ORC4: variants seen among roughly 807,000 people sequenced by gnomAD.
ORC4 encodes origin recognition complex subunit 4.
ORC4 carries 55 observed loss-of-function variants against 63.9 expected under a neutral mutation model. The ratio of observed to expected loss-of-function variants is 0.86; its 90% CI spans 0.69 to 1.08. The LOEUF (loss-of-function observed/expected upper bound fraction) is 1.08. Ranked by LOEUF, ORC4 falls within the 50% of genes least tolerant of loss-of-function variation. The probability of loss-of-function intolerance (pLI) is 0.00; values close to 1 mark genes in which losing one functional copy is unlikely to be tolerated. For synonymous variants in ORC4, 150 were observed against 168.5 expected, an observed-to-expected ratio of 0.89 and a Z score of 0.85; for missense variants, 511 against 504.4, an observed-to-expected ratio of 1.01 and a Z score of -0.13.
intron 4 of ORC4, among the ~76,000 whole-genome samples, chr2:147,970,225 C>A (rs151064412): frequency 6.6e-6 from 1 of 152,026 alleles, no homozygotes; most frequent in African/African-American, 2.4e-5. Context: ...ACTCCAAGAA[C>A]GGGAAGACTA....
At chr2:148,003,020 A>G (rs925156459) in intron 1 of ORC4, among the ~76,000 whole-genome samples, 2 of 152,260 alleles carry the variant, frequency 1.3e-5, no homozygotes, top group African/African-American at 4.8e-5. Flanking sequence ...GAAGAAATGG[A>G]TGAATTCCTG....
chr2:148,008,733 A>G (rs1294400915), intron 1 of ORC4, among the ~76,000 whole-genome samples: 1 of 152,192 alleles, frequency 6.6e-6, no homozygotes, highest in Non-Finnish European at 1.5e-5. Context: ...GTCTAACCCC[A>G]GCCAATAGGG....
intron 7 of ORC4, among the ~76,000 whole-genome samples, chr2:147,953,922 T>C (rs1346133968): frequency 2.0e-5 from 3 of 152,262 alleles, no homozygotes; most frequent in Non-Finnish European, 4.4e-5. Flanking sequence ...AAGAGACTTA[T>C]GTACTAATAT....
rs1437727416 is a variant in ORC4 at position 148,020,662 on chromosome 2, G to A, written c.-47C>T. On this transcript the variant is annotated 5_prime_UTR_variant, in exon 1 of 14. Transcript: ENST00000392857. Reference sequence around the variant, plus strand: ...TCAAAGAGGGGAACCAACGCCTGCAGGAATCGCTTCACCGAATCGCCTGGC... The same window carrying A: ...TCAAAGAGGGGAACCAACGCCTGCAAGAATCGCTTCACCGAATCGCCTGGC... The A allele has an allele frequency of 2.0e-5, 3 of 152,546 alleles. No homozygotes were observed. Among genetic ancestry groups the A allele is most frequent in the African/African-American group, 4.8e-5 (2 of 41,442 alleles). The allele number at this position is 152,546 out of a possible 1,614,324, so 9.4% of individuals were successfully genotyped here.
At chr2:148,006,442 T>G (rs1409882920) in intron 1 of ORC4, among the ~76,000 whole-genome samples, 1 of 152,084 alleles carries the variant, frequency 6.6e-6, no homozygotes, top group Non-Finnish European at 1.5e-5. Flanking sequence ...TTGGAGGTAA[T>G]GGACTTAAGA....
At chr2:147,943,768 C>T (rs958216357) in intron 9 of ORC4, among the ~76,000 whole-genome samples, 3 of 152,074 alleles carry the variant, frequency 2.0e-5, no homozygotes, top group Admixed American at 2.0e-4. Context: ...CCTGGCTAAC[C>T]CCAAATTCGT....
chr2:147,942,891 C>G (rs1302799303), intron 10 of ORC4, among the ~76,000 whole-genome samples: 2 of 151,912 alleles, frequency 1.3e-5, no homozygotes, highest in African/African-American at 4.8e-5. Context: ...TCAGCATAGA[C>G]TATAAGTCAA....
At chr2:148,015,341 GTC>G (rs1159590426) in intron 1 of ORC4, among the ~76,000 whole-genome samples, 3 of 126,848 alleles carry the variant, frequency 2.4e-5, no homozygotes, top group Non-Finnish European at 4.8e-5. Flanking sequence ...TTGAGATGGA[GTC>G]TCTCTCTGTT....
chr2:147,956,970 C>G (rs1473489021), intron 6 of ORC4, among the ~76,000 whole-genome samples: 2 of 151,584 alleles, frequency 1.3e-5, no homozygotes, highest in East Asian at 1.9e-4. Context: ...ACATTCTAAA[C>G]AGGAGGTAGA....
intron 11 of ORC4, 37 bp downstream of exon 11, chr2:147,939,103 A>T (rs1004821369): frequency 7.8e-7 from 1 of 1,283,538 alleles, no homozygotes; most frequent in African/African-American, 1.5e-5. Flanking sequence ...TCAAAGTTTT[A>T]AAAACCACAA....
chr2:147,973,660 A>G (rs1235409373), intron 2 of ORC4, 136 bp from the exon 3 acceptor site: 11 of 589,172 alleles, frequency 1.9e-5, no homozygotes, highest in Non-Finnish European at 3.0e-5. Flanking sequence ...CTTATCCTCT[A>G]GAGTTCTGGC....
intron 1 of ORC4, among the ~76,000 whole-genome samples, chr2:148,009,549 T>A (rs1692826868): frequency 6.6e-6 from 1 of 152,112 alleles, no homozygotes; most frequent in South Asian, 2.1e-4. Context: ...AATACATATC[T>A]ATCCAACACA....
At chr2:147,979,306 A>G (rs2105365212) in intron 1 of ORC4, among the ~76,000 whole-genome samples, 1 of 152,312 alleles carries the variant, frequency 6.6e-6, no homozygotes, top group East Asian at 1.9e-4. Flanking sequence ...ATTTCTCCAC[A>G]CTAATAACTA....
At chr2:148,004,370 A>C (rs1395955697) in intron 1 of ORC4, among the ~76,000 whole-genome samples, 2 of 152,240 alleles carry the variant, frequency 1.3e-5, no homozygotes, top group Non-Finnish European at 2.9e-5. Context: ...CTATACTATA[A>C]GGCTACAGTA....
chr2:148,004,879 T>C (rs370432999), intron 1 of ORC4, among the ~76,000 whole-genome samples: 120 of 152,246 alleles, frequency 7.9e-4, no homozygotes, highest in African/African-American at 2.8e-3. Flanking sequence ...CCAGCTGGAA[T>C]GGTGATCATT....
At chr2:148,017,310 TACA>T (rs1345350264) in intron 1 of ORC4, among the ~76,000 whole-genome samples, 3 of 152,268 alleles carry the variant, frequency 2.0e-5, no homozygotes, top group Admixed American at 6.5e-5. Flanking sequence ...ATGGTGTTTA[TACA>T]ACATTACAAT....
intron 7 of ORC4, among the ~76,000 whole-genome samples, chr2:147,954,630 A>C (rs1357210023): frequency 1.3e-5 from 2 of 152,216 alleles, no homozygotes; most frequent in African/African-American, 2.4e-5. Flanking sequence ...TACATAAACC[A>C]GGAAATTTCA....
At chr2:147,959,331 A>T (rs1689445832) in intron 4 of ORC4, among the ~76,000 whole-genome samples, 1 of 151,912 alleles carries the variant, frequency 6.6e-6, no homozygotes, top group Admixed American at 6.6e-5. Context: ...CTGTGATATC[A>T]TACATATCTC....
Position 147,952,522 on chromosome 2 carries a change from C to T in ORC4, c.439G>A (p.Asp147Asn). ...SFLLEALKKG[D>N]RTSSCPVIFI... Reference sequence around the variant, plus strand: ...ATCACTGGGCAACTGCTAGTTCGGTCACCTAAGATAAAATAAGAGCATTAC... The same window carrying T: ...ATCACTGGGCAACTGCTAGTTCGGTTACCTAAGATAAAATAAGAGCATTAC... Residue 147 changes from aspartate to asparagine, a missense_variant and splice_region_variant, in exon 8 of 14, where the codon GAC becomes AAC. Transcript: ENST00000392857. 1 of 1,605,102 alleles carries T rather than the reference C, an allele frequency of 6.2e-7. No homozygotes were observed. Among genetic ancestry groups the T allele is most frequent in the Non-Finnish European group, 8.5e-7 (1 of 1,171,974 alleles).
Sources: allele counts gnomAD v4.1 joint callset (sites outside exome capture counted in the v4.1 genomes callset), GRCh38; gene constraint gnomAD v4.1.1; transcripts MANE v1.5; gene names NCBI Gene and HGNC (gene_info 2026-07-23, HGNC 2026-07-21).